Variants in ATG7 observed in about 807,000 individuals in gnomAD.
The protein encoded by ATG7 is ubiquitin-like modifier-activating enzyme ATG7.
A neutral mutation model predicts 82.4 loss-of-function variants in ATG7; 70 were observed. The ratio of observed to expected loss-of-function variants is 0.85; its 90% CI spans 0.70 to 1.04. The LOEUF (loss-of-function observed/expected upper bound fraction) is 1.04. Ranked by LOEUF, ATG7 falls within the 50% of genes least tolerant of loss-of-function variation. The probability of loss-of-function intolerance (pLI) is 0.00; values close to 1 mark genes in which losing one functional copy is unlikely to be tolerated. For missense variants in ATG7, 792 were observed against 864.3 expected, an observed-to-expected ratio of 0.92 and a Z score of 1.05; for synonymous variants, 287 against 313.0, an observed-to-expected ratio of 0.92 and a Z score of 0.88.
At chr3:11,497,099 C>A (rs1423975893) in intron 20 of ATG7, among the ~76,000 whole-genome samples, 1 of 151,888 alleles carries the variant, frequency 6.6e-6, no homozygotes, top group Non-Finnish European at 1.5e-5. Context: ...GATCCGCTTG[C>A]CTCGGCCTCC....
chr3:11,306,895 G>C, intron 5 of ATG7, 48 bp from the exon 6 acceptor site: 1 of 1,483,310 alleles, frequency 6.7e-7, no homozygotes, highest in Non-Finnish European at 9.4e-7. Flanking sequence ...GTCTCTCCCT[G>C]GCTGAGTCCC....
At chr3:11,479,720 A>T (rs1340040957) in intron 20 of ATG7, among the ~76,000 whole-genome samples, 3 of 152,196 alleles carry the variant, frequency 2.0e-5, no homozygotes, top group African/African-American at 4.8e-5. Context: ...TAGCAAAAGA[A>T]AAGGGAGACA....
At chr3:11,575,991 C>CTA in the ATG7 span, among the ~76,000 whole-genome samples, 3 of 152,238 alleles carry the variant, frequency 2.0e-5, no homozygotes, top group Non-Finnish European at 4.4e-5. Context: ...TAGCTCAACT[C>CTA]TATGTAAATA....
intron 20 of ATG7, among the ~76,000 whole-genome samples, chr3:11,545,872 C>G (rs1030181203): frequency 6.8e-6 from 1 of 147,704 alleles, no homozygotes; most frequent in Non-Finnish European, 1.5e-5. Context: ...CACCCCCATA[C>G]CCCCATTGTT....
chr3:11,363,843 G>A (rs1415766674), intron 17 of ATG7, among the ~76,000 whole-genome samples: 1 of 152,180 alleles, frequency 6.6e-6, no homozygotes, highest in Non-Finnish European at 1.5e-5. Context: ...GTGACTCAAA[G>A]CTTTCCTCAG....
chr3:11,537,655 C>G (rs574293223), intron 20 of ATG7, among the ~76,000 whole-genome samples: 1 of 152,336 alleles, frequency 6.6e-6, no homozygotes, highest in Non-Finnish European at 1.5e-5. Flanking sequence ...CAAGAGGGCT[C>G]TCACTCCACA....
intron 20 of ATG7, among the ~76,000 whole-genome samples, chr3:11,530,673 A>G (rs1035607103): frequency 1.3e-4 from 20 of 152,088 alleles, no homozygotes; most frequent in African/African-American, 4.8e-4. Flanking sequence ...ATCCTTCTTA[A>G]TAATAAATAA....
intron 20 of ATG7, among the ~76,000 whole-genome samples, chr3:11,487,096 A>T (rs1259371776): frequency 1.3e-5 from 2 of 149,306 alleles, no homozygotes; most frequent in Non-Finnish European, 3.0e-5. Flanking sequence ...ACCGCCCTTA[A>T]TCCATTTAAC....
At chr3:11,400,216 T>C (rs1172287488) in intron 19 of ATG7, among the ~76,000 whole-genome samples, 1 of 152,192 alleles carries the variant, frequency 6.6e-6, no homozygotes, top group African/African-American at 2.4e-5. Context: ...ATATAACTCA[T>C]CAACCTTAGG....
intron 3 of ATG7, among the ~76,000 whole-genome samples, chr3:11,285,914 G>A (rs1392618778): frequency 6.6e-6 from 1 of 152,128 alleles, no homozygotes; most frequent in Non-Finnish European, 1.5e-5. Flanking sequence ...AGGATCACAC[G>A]TGGTCCCCAG....
chr3:11,433,403 C>G (rs1177389423), intron 20 of ATG7, among the ~76,000 whole-genome samples: 1 of 150,960 alleles, frequency 6.6e-6, no homozygotes, highest in African/African-American at 2.4e-5. Flanking sequence ...GACTTACCTT[C>G]TTAGAGTTAT....
chr3:11,363,151 A>G (rs1258082883), intron 17 of ATG7: 23 of 485,166 alleles, frequency 4.7e-5, no homozygotes, highest in South Asian at 2.2e-5. Flanking sequence ...CAAAGTCACT[A>G]TGGTTTATTT....
rs573794177 is a variant in ATG7, at chr3:11,496,648, C to A, written c.2080-58163C>A. ...TCATGAAACCTTGACATTTAATAAT[C>A]CCATCACAGGAGGGGTCCCAAATAC... On this transcript the variant is annotated intron_variant, in intron 20 of 20. Coordinates refer to ENST00000693202, the MANE Select transcript of ATG7 (RefSeq NM_001349232.2). Among the ~76,000 whole-genome samples, 14 of 152,278 alleles carry A rather than the reference C, an allele frequency of 9.2e-5. No homozygotes were observed. In the South Asian group the frequency reaches 2.5e-3, roughly 27 times the overall value.
At chr3:11,559,279 G>A, downstream of ATG7, 7 of 1,479,978 alleles carry the variant, frequency 4.7e-6, no homozygotes, top group Non-Finnish European at 6.3e-6. Flanking sequence ...ACAGAGAAGG[G>A]CTCTGCTGCC....
intron 19 of ATG7, among the ~76,000 whole-genome samples, chr3:11,423,715 A>G (rs1208608030): frequency 6.6e-6 from 1 of 151,858 alleles, no homozygotes; most frequent in African/African-American, 2.4e-5. Flanking sequence ...ACACTCCCCC[A>G]GCTCTCTAGG....
intron 11 of ATG7, 40 bp downstream of exon 11, chr3:11,333,133 T>C: frequency 6.7e-7 from 1 of 1,502,860 alleles, no homozygotes; most frequent in Non-Finnish European, 8.9e-7. Context: ...AATTATCATT[T>C]ATCAGAAACG....
At chr3:11,514,600 G>A (rs1346397456) in intron 20 of ATG7, among the ~76,000 whole-genome samples, 2 of 152,232 alleles carry the variant, frequency 1.3e-5, no homozygotes, top group South Asian at 2.1e-4. Context: ...ATTCTGCCGG[G>A]TAAGCCACTA....
rs372883070 is a variant in ATG7, at chr3:11,369,030, C to G, written c.1875+4296C>G. Among the ~76,000 whole-genome samples the G allele has an allele frequency of 5.6e-4, 85 of 151,042 alleles. 1 individual carries two copies. Among genetic ancestry groups the G allele is most frequent in the Admixed American group, 1.5e-3 (23 of 15,124 alleles). On this transcript the variant is annotated intron_variant, in intron 18 of 20. Transcript: ENST00000693202. ...ACTAGGGCAGGACCCTGGGAGGGAC[C>G]TGGCCTGGGAAAACTCTAATTGAGT...
intron 20 of ATG7, among the ~76,000 whole-genome samples, chr3:11,491,768 C>T (rs1176062865): frequency 2.0e-5 from 3 of 152,150 alleles, no homozygotes; most frequent in African/African-American, 4.8e-5. Context: ...GTACTAGCAG[C>T]GGTGTCTGCA....
Sources: allele counts gnomAD v4.1 joint callset (sites outside exome capture counted in the v4.1 genomes callset), GRCh38; gene constraint gnomAD v4.1.1; transcripts MANE v1.5; gene names NCBI Gene and HGNC (gene_info 2026-07-23, HGNC 2026-07-21).